The following PARP10 variants were observed in gnomAD, a reference collection of about 807,000 sequenced individuals.
The protein encoded by PARP10 is protein mono-ADP-ribosyltransferase PARP10.
In PARP10, 56 loss-of-function variants were observed where a neutral mutation model predicts 82.4. That is an observed-to-expected ratio of 0.68 (90% CI 0.55 to 0.85). The LOEUF is 0.85. Among genes scored for constraint, PARP10 ranks in the 40% least tolerant of loss-of-function variants. The pLI is 0.00. For synonymous variants in PARP10, 576 were observed against 601.1 expected (o/e 0.96, Z 0.61); for missense variants, 1,227 against 1,379.4 (o/e 0.89, Z 1.75).
chr8:143,988,492 G>A (rs535705880), upstream of PARP10, among the ~76,000 whole-genome samples: 78 of 148,800 alleles, frequency 5.2e-4, 1 homozygote, highest in South Asian at 0.017. Context: ...TTGAGACAGA[G>A]TCACACTCTG....
chr8:144,009,984 G>C (rs1200920935), intron 1 of PARP10, among the ~76,000 whole-genome samples: 1 of 152,080 alleles, frequency 6.6e-6, no homozygotes, highest in African/African-American at 2.4e-5. Context: ...CCTCCAATCT[G>C]TTCCCACATG....
intron 1 of PARP10, among the ~76,000 whole-genome samples, chr8:144,001,429 G>A (rs1484199793): frequency 1.3e-5 from 2 of 152,148 alleles, no homozygotes; most frequent in African/African-American, 2.4e-5. Context: ...AATACAGGCT[G>A]GGCGTGGTGG....
Position 143,977,408 on chromosome 8 carries a change from A to G in PARP10, c.*76T>C. 2.3e-6 allele frequency: 3 copies of G among 1,327,730 alleles called. No homozygotes were observed. Among genetic ancestry groups the G allele is most frequent in the Non-Finnish European group, 3.0e-6 (3 of 988,946 alleles). 82.2% of individuals were successfully genotyped at this position (1,327,730 alleles called of 1,614,324 possible). ...CCCCGGGGACAGCTCAGGCGGCCAC[A>G]GTTGGGGGCGGGGAGCATCAGCCTG... On this transcript the variant is annotated 3_prime_UTR_variant, in exon 11 of 11. Transcript: ENST00000313028.
chr8:143,998,644 G>A (rs1554751452), intron 1 of PARP10, among the ~76,000 whole-genome samples: 1 of 152,156 alleles, frequency 6.6e-6, no homozygotes, highest in African/African-American at 2.4e-5. Context: ...AAAATGTGGA[G>A]AATTTTCCCA....
At chr8:144,012,440 G>A in intron 1 of PARP10, 2 of 1,350,204 alleles carry the variant, frequency 1.5e-6, no homozygotes, top group Admixed American at 2.0e-5. Flanking sequence ...TTCAGCCCAG[G>A]CAAGGCCTGG....
chr8:143,985,888 C>T lies in PARP10; in HGVS notation c.269G>A (p.Arg90His), dbSNP rs1554749226. ...AGGGGGCAGTCCTTGGAGCAGCAGG[C>T]GTGCAGGGGCTCGTGGTGGAGCTGG... ...LRPAPPRAPA[R>H]LLLQGLPPGT... The change falls in exon 3 of 11, where the codon CGC becomes CAC. Residue 90 changes from arginine (R) to histidine (H), a missense_variant. By Grantham distance (29) the Arg-to-His change is conservative. Coordinates refer to ENST00000313028, the MANE Select transcript of PARP10 (RefSeq NM_032789.5). 7 of 1,589,194 alleles carry T rather than the reference C, an allele frequency of 4.4e-6. No individual in the cohort carries two copies. The highest frequency in any genetic ancestry group is 1.7e-5 in the Admixed American group (1 of 57,984).
intron 1 of PARP10, among the ~76,000 whole-genome samples, chr8:143,996,802 G>A (rs1354037428): frequency 2.0e-5 from 3 of 152,188 alleles, no homozygotes; most frequent in African/African-American, 7.2e-5. Context: ...AAGAAGGAGA[G>A]GACGCATGGG....
chr8:144,009,233 A>C (rs1283255192), intron 1 of PARP10, among the ~76,000 whole-genome samples: 1 of 152,170 alleles, frequency 6.6e-6, no homozygotes, highest in Non-Finnish European at 1.5e-5. Context: ...GACTTGGCCA[A>C]ACCACTTCAC....
At chr8:143,994,212 G>A (rs541365695), upstream of PARP10, among the ~76,000 whole-genome samples, 7 of 152,322 alleles carry the variant, frequency 4.6e-5, no homozygotes, top group South Asian at 1.4e-3. Flanking sequence ...GCACCTCTGT[G>A]TACGAAGCCA....
In PARP10 at chr8:143,982,974, G is replaced by A. The variant is rs1213282765; in HGVS notation, c.2514C>T (p.Tyr838=). The A allele has an allele frequency of 1.1e-5, 17 of 1,613,826 alleles. No individual in the cohort carries two copies. The highest frequency in any genetic ancestry group is 1.6e-4 in the Middle Eastern group (1 of 6,084). The change falls in exon 9 of 11, where the codon TAC becomes TAT. Residue 838 remains tyrosine, a synonymous_variant. Coordinates refer to ENST00000313028, the MANE Select transcript of PARP10 (RefSeq NM_032789.5). ...GEFQEVVRAF[Y]DTLDAARSSI... is the part of the protein sequence containing the mutation. Reference sequence around the variant, plus strand: ...TGCTGCGGGCAGCGTCCAGGGTGTCGTAGAAGGCCCGCACCACCTCCTGGA... The same window carrying A: ...TGCTGCGGGCAGCGTCCAGGGTGTCATAGAAGGCCCGCACCACCTCCTGGA...
In PARP10 at chr8:143,979,638, C is replaced by T. The variant is rs538461139; in HGVS notation, c.2557-1557G>A. 2.6e-5 allele frequency among the ~76,000 whole-genome samples: 4 copies of T among 152,320 alleles called. No homozygotes were observed. In the South Asian group the frequency reaches 8.3e-4, roughly 32 times the overall value. The stretch of plus-strand genomic sequence containing the variant: ...TATAAATTTAAAAGTCGGCCGGGTG[C>T]AGTGGCTCACGCCTGTAATCCTGGC... On this transcript the variant is annotated intron_variant, in intron 9 of 10. Coordinates refer to ENST00000313028, the MANE Select transcript of PARP10 (RefSeq NM_032789.5).
At chr8:144,004,576 C>T (rs1350477009) in intron 1 of PARP10, among the ~76,000 whole-genome samples, 2 of 152,170 alleles carry the variant, frequency 1.3e-5, no homozygotes, top group African/African-American at 4.8e-5. Flanking sequence ...AACACCACTC[C>T]CCAGGCTAGG....
In PARP10 at chr8:143,983,479, C is replaced by G; in HGVS notation, c.2110G>C (p.Asp704His). The change falls in exon 8 of 11, where the codon GAT (aspartate) becomes CAT (histidine). Residue 704 changes from aspartate to histidine, a missense_variant. By Grantham distance (81) the Asp-to-His change is moderately conservative. Transcript: ENST00000313028. ...EAEEPPDGGT[D>H]GKAQLVVHSA... ...TGCACCACCAGCTGGGCCTTGCCAT[C>G]AGTCCCCCCATCTGGGGGCTCTTCT... 6.2e-7 allele frequency: 1 copy of G among 1,607,174 alleles called. No individual in the cohort carries two copies.
chr8:143,977,427 C>A lies in PARP10; in HGVS notation c.*57G>T. The A allele has an allele frequency of 7.0e-7, 1 of 1,425,308 alleles. No individual in the cohort carries two copies. Among genetic ancestry groups the A allele is most frequent in the Non-Finnish European group, 9.4e-7 (1 of 1,065,858 alleles). The allele number at this position is 1,425,308 out of a possible 1,614,324, so 88.3% of individuals were successfully genotyped here. ...GGCCACAGTTGGGGGCGGGGAGCATCAGCCTGTGCGGAGCTGGGAGCCTGG... is the reference window on the plus strand; with the variant it reads ...GGCCACAGTTGGGGGCGGGGAGCATAAGCCTGTGCGGAGCTGGGAGCCTGG... On this transcript the variant is annotated 3_prime_UTR_variant, in exon 11 of 11. Coordinates refer to ENST00000313028, the MANE Select transcript of PARP10 (RefSeq NM_032789.5).
At chr8:144,006,044 T>C (rs1834234451) in intron 1 of PARP10, among the ~76,000 whole-genome samples, 1 of 152,184 alleles carries the variant, frequency 6.6e-6, no homozygotes, top group East Asian at 1.9e-4. Context: ...GCCTGTCAGA[T>C]CCTAGGGCCC....
chr8:144,012,484 C>T (rs782196936), intron 1 of PARP10: 15 of 1,544,672 alleles, frequency 9.7e-6, no homozygotes, highest in African/African-American at 2.7e-5. Flanking sequence ...AGTGCCCTCC[C>T]GTGGGCCGCA....
At chr8:143,982,751 C>T (rs993224336) in intron 9 of PARP10, among the ~76,000 whole-genome samples, 181 bp downstream of exon 9, 7 of 152,234 alleles carry the variant, frequency 4.6e-5, no homozygotes, top group Non-Finnish European at 8.8e-5. Context: ...ACTCTGTTCC[C>T]TCCTGTTTCC....
At chr8:143,986,932 TG>T (rs1834001542), upstream of PARP10, 1 of 161,924 alleles carries the variant, frequency 6.2e-6, no homozygotes, top group Admixed American at 6.1e-5. Context: ...GTGCTGAGCA[TG>T]GGCGGTTCCC....
upstream of PARP10, chr8:143,990,335 G>T (rs1834070142): frequency 6.6e-6 from 1 of 150,616 alleles, no homozygotes; most frequent in Non-Finnish European, 1.5e-5. The surrounding 1 kb of genome is among the most constrained non-coding windows in gnomAD (Gnocchi z 5.6). Context: ...TCCGGCCGGG[G>T]CGCGCGGCAG....
Sources: gnomAD v4.1 joint callset for allele counts (sites outside exome capture counted in the v4.1 genomes callset) on GRCh38, gnomAD v4.1.1 for gene constraint, Gnocchi (gnomAD v3.1) non-coding constraint, MANE v1.5 for transcripts, NCBI Gene and HGNC (gene_info 2026-07-23, HGNC 2026-07-21) for gene names.